Variants in PIP4K2A observed in about 807,000 individuals in gnomAD.
PIP4K2A encodes the protein phosphatidylinositol-5-phosphate 4-kinase type 2 alpha, also known as phosphatidylinositol 5-phosphate 4-kinase type-2 alpha.
PIP4K2A carries 14 observed loss-of-function variants against 42.9 expected under a neutral mutation model. The ratio of observed to expected loss-of-function variants is 0.33; its 90% CI spans 0.22 to 0.51. The LOEUF (loss-of-function observed/expected upper bound fraction) is 0.51. Among genes scored for constraint, PIP4K2A ranks in the 20% least tolerant of loss-of-function variants. The probability of loss-of-function intolerance (pLI) is 0.97; values close to 1 mark genes in which losing one functional copy is unlikely to be tolerated. For synonymous variants in PIP4K2A, 192 were observed against 192.2 expected, an observed-to-expected ratio of 1.00 and a Z score of 0.01; for missense variants, 434 against 519.8, an observed-to-expected ratio of 0.83 and a Z score of 1.61.
chr10:22,601,405 T>C (rs1183845110), intron 3 of PIP4K2A, among the ~76,000 whole-genome samples: 1 of 152,138 alleles, frequency 6.6e-6, no homozygotes, highest in Non-Finnish European at 1.5e-5. Context: ...GTGCAAGAAA[T>C]GCCTGCTGAC....
chr10:22,572,802 C>A (rs913143925), intron 5 of PIP4K2A, among the ~76,000 whole-genome samples: 19 of 152,302 alleles, frequency 1.2e-4, no homozygotes, highest in African/African-American at 4.3e-4. Flanking sequence ...TCTGTACTTA[C>A]AGTTCCCTCT....
chr10:22,602,684 A>C (rs1003452631), intron 3 of PIP4K2A, among the ~76,000 whole-genome samples: 1 of 151,440 alleles, frequency 6.6e-6, no homozygotes, highest in Non-Finnish European at 1.5e-5. Context: ...ATTAGCCCTC[A>C]CTCTCTTTCA....
chr10:22,711,371 T>C (rs1833908432), intron 1 of PIP4K2A, among the ~76,000 whole-genome samples: 1 of 152,242 alleles, frequency 6.6e-6, no homozygotes, highest in Non-Finnish European at 1.5e-5. Flanking sequence ...AAAATCACCA[T>C]AGATTTCCTT....
intron 1 of PIP4K2A, among the ~76,000 whole-genome samples, chr10:22,637,872 A>C (rs1219334803): frequency 6.6e-6 from 1 of 152,262 alleles, no homozygotes; most frequent in African/African-American, 2.4e-5. Flanking sequence ...GATCTCAGCA[A>C]GTATACTCTA....
At chr10:22,580,141 C>A (rs754963014) in intron 4 of PIP4K2A, among the ~76,000 whole-genome samples, 1 of 151,790 alleles carries the variant, frequency 6.6e-6, no homozygotes, top group African/African-American at 2.4e-5. Flanking sequence ...ATCTTTAATG[C>A]ATGACGGGGA....
At chr10:22,599,569 C>T (rs1414296501) in intron 3 of PIP4K2A, among the ~76,000 whole-genome samples, 1 of 152,284 alleles carries the variant, frequency 6.6e-6, no homozygotes, top group South Asian at 2.1e-4. Flanking sequence ...CACATCACAG[C>T]CAATAAATGT....
intron 4 of PIP4K2A, among the ~76,000 whole-genome samples, chr10:22,589,164 A>C (rs1187113905): frequency 6.6e-6 from 1 of 152,252 alleles, no homozygotes; most frequent in Non-Finnish European, 1.5e-5. Flanking sequence ...TTTTTAGAAC[A>C]ATATGCTCTC....
In PIP4K2A at chr10:22,552,680, G is replaced by A. The variant is rs1836442204; in HGVS notation, c.679-1908C>T. Reference sequence around the variant, plus strand: ...GCCCAAAACAGAAAATTGGAAGCACGTTAGAAAAAAGGGTTGAAGCCAGAC... The same window carrying A: ...GCCCAAAACAGAAAATTGGAAGCACATTAGAAAAAAGGGTTGAAGCCAGAC... On this transcript the variant is annotated intron_variant, in intron 6 of 9. Transcript: ENST00000376573. Among the ~76,000 whole-genome samples, 3 of 151,766 alleles carry A rather than the reference G, an allele frequency of 2.0e-5. No individual in the cohort carries two copies. In the South Asian group the frequency reaches 6.2e-4, roughly 32 times the overall value.
At chr10:22,709,329 T>C (rs1332534430) in intron 1 of PIP4K2A, among the ~76,000 whole-genome samples, 2 of 152,204 alleles carry the variant, frequency 1.3e-5, no homozygotes, top group East Asian at 3.8e-4. Context: ...ATCTCCATTT[T>C]AAGAATGTGA....
intron 1 of PIP4K2A, among the ~76,000 whole-genome samples, chr10:22,670,532 C>T (rs1010504602): frequency 4.6e-5 from 7 of 152,046 alleles, no homozygotes; most frequent in South Asian, 2.1e-4. Flanking sequence ...TTATTGCATA[C>T]GTACAGGGCA....
chr10:22,682,329 C>A (rs1274257460), intron 1 of PIP4K2A, among the ~76,000 whole-genome samples: 2 of 152,210 alleles, frequency 1.3e-5, no homozygotes, highest in Non-Finnish European at 2.9e-5. Flanking sequence ...CAGGCCTACT[C>A]ATTTCCTCTG....
chr10:22,646,117 C>T (rs1489820628), intron 1 of PIP4K2A: 2 of 152,122 alleles, frequency 1.3e-5, no homozygotes, highest in Admixed American at 1.3e-4. Flanking sequence ...AACAGATGAA[C>T]AAAGAAGACT....
chr10:22,591,868 T>A, intron 3 of PIP4K2A, 87 bp from the exon 4 acceptor site: 1 of 1,190,416 alleles, frequency 8.4e-7, no homozygotes, highest in Non-Finnish European at 1.1e-6. Context: ...TAATTTGTCA[T>A]CATTGCAAGT....
chr10:22,711,585 G>A (rs1833911250), intron 1 of PIP4K2A, among the ~76,000 whole-genome samples: 3 of 152,178 alleles, frequency 2.0e-5, no homozygotes, highest in Non-Finnish European at 4.4e-5. Flanking sequence ...GCCAAAACCT[G>A]ACCTTAACAT....
chr10:22,698,366 G>A (rs1364503412), intron 1 of PIP4K2A, among the ~76,000 whole-genome samples: 1 of 152,146 alleles, frequency 6.6e-6, no homozygotes, highest in Non-Finnish European at 1.5e-5. Flanking sequence ...GTTATAATCT[G>A]GTATAACCCT....
chr10:22,695,113 ACAGTGATACAAACT>A (rs976190619), intron 1 of PIP4K2A, among the ~76,000 whole-genome samples: 3 of 152,232 alleles, frequency 2.0e-5, no homozygotes, highest in Non-Finnish European at 4.4e-5. Context: ...ATTTTTAAAA[ACAGTGATACAAACT>A]CATCCACATA....
At chr10:22,660,288 T>C (rs1588691209) in intron 1 of PIP4K2A, among the ~76,000 whole-genome samples, 1 of 152,076 alleles carries the variant, frequency 6.6e-6, no homozygotes, top group African/African-American at 2.4e-5. Flanking sequence ...CTGGGCAACA[T>C]GGTCAAACCC....
intron 1 of PIP4K2A, among the ~76,000 whole-genome samples, chr10:22,623,104 A>G (rs1838365358): frequency 6.6e-6 from 1 of 152,182 alleles, no homozygotes; most frequent in African/African-American, 2.4e-5. Flanking sequence ...AACATTCTCT[A>G]AGAAATAGTG....
intron 1 of PIP4K2A, among the ~76,000 whole-genome samples, chr10:22,696,160 C>T (rs1476507851): frequency 1.3e-5 from 2 of 152,188 alleles, no homozygotes; most frequent in African/African-American, 4.8e-5. Context: ...ACCACCTCAG[C>T]CAACATGTGT....
Sources: allele counts gnomAD v4.1 joint callset (sites outside exome capture counted in the v4.1 genomes callset), GRCh38; gene constraint gnomAD v4.1.1; transcripts MANE v1.5; gene names NCBI Gene and HGNC (gene_info 2026-07-23, HGNC 2026-07-21).